Variants in NLRP13 observed in about 807,000 individuals in gnomAD.
NLRP13 encodes the protein NACHT, LRR and PYD domains-containing protein 13.
In NLRP13, 82 loss-of-function variants were observed where a neutral mutation model predicts 94.4. The ratio of observed to expected loss-of-function variants is 0.87; its 90% CI spans 0.73 to 1.04. NLRP13 has a LOEUF of 1.04. NLRP13 is among the 50% of genes least tolerant of loss of function. The probability of loss-of-function intolerance (pLI) is 0.00; values close to 1 mark genes in which losing one functional copy is unlikely to be tolerated. For missense variants in NLRP13, 1,426 were observed against 1,230.8 expected (o/e 1.16, Z -2.37); for synonymous variants, 553 against 464.7 (o/e 1.19, Z -2.45).
intron 1 of NLRP13, among the ~76,000 whole-genome samples, chr19:55,931,099 G>A (rs1156978613): frequency 2.6e-5 from 4 of 151,836 alleles, no homozygotes; most frequent in Non-Finnish European, 4.4e-5. Context: ...GTGAATATGG[G>A]AAGTGTCGCA....
intron 6 of NLRP13, among the ~76,000 whole-genome samples, chr19:55,909,110 T>C (rs2123118649): frequency 6.6e-6 from 1 of 152,234 alleles, no homozygotes; most frequent in South Asian, 2.1e-4. Context: ...AAGGTAGAAT[T>C]CATTGGCCTA....
At chr19:55,913,872 C>T (rs1187052275) in intron 4 of NLRP13, among the ~76,000 whole-genome samples, 3 of 152,150 alleles carry the variant, frequency 2.0e-5, no homozygotes, top group Non-Finnish European at 4.4e-5. Flanking sequence ...AAGACACCTT[C>T]TAGCCAGTAG....
chr19:55,918,242 CTG>C (rs1248119002), intron 4 of NLRP13, among the ~76,000 whole-genome samples: 1 of 126,756 alleles, frequency 7.9e-6, no homozygotes, highest in African/African-American at 3.2e-5. Context: ...ATCAAAACCT[CTG>C]TGATACAGCA....
rs752982132 is a variant in NLRP13 at position 55,896,007 on chromosome 19, CAT to C, written c.3068_3069del (p.Asp1023GlyfsTer7). 1 of 1,614,050 alleles carries C rather than the reference CAT, an allele frequency of 6.2e-7. No individual in the cohort carries two copies. Among genetic ancestry groups the C allele is most frequent in the African/African-American group, 1.3e-5 (1 of 74,948 alleles). ...AAAGCCTTACATAGCATCTTGACACCATCAGTATCCAATTCATTGCCTAGAAG... is the reference window on the plus strand; with the variant it reads ...AAAGCCTTACATAGCATCTTGACACCCAGTATCCAATTCATTGCCTAGAAG... ...LNLLGNELDTDGVKMLCKALK... is the reference protein window; with the variant it reads ...LNLLGNELDTXGVKMLCKALK... On this transcript the variant is annotated frameshift_variant, in exon 11 of 11. Transcript: ENST00000342929. LOFTEE classifies it low-confidence loss of function (END_TRUNC).
At chr19:55,920,961 C>T (rs937865123) in intron 4 of NLRP13, among the ~76,000 whole-genome samples, 91 of 152,174 alleles carry the variant, frequency 6.0e-4, no homozygotes, top group African/African-American at 2.1e-3. Context: ...ATATATCTTA[C>T]AGCAATATGG....
chr19:55,907,354 T>G (rs1986384060), intron 7 of NLRP13, among the ~76,000 whole-genome samples: 1 of 152,072 alleles, frequency 6.6e-6, no homozygotes, highest in Non-Finnish European at 1.5e-5. Context: ...AGCAGATTGC[T>G]TGAGTCCAGG....
chr19:55,907,698 C>T, intron 7 of NLRP13, 94 bp downstream of exon 7: 1 of 1,187,412 alleles, frequency 8.4e-7, no homozygotes, highest in South Asian at 1.3e-5. Flanking sequence ...CCTTTTGCTA[C>T]AAGGCTGAGT....
At chr19:55,921,572 C>T (rs972212712) in intron 4 of NLRP13, among the ~76,000 whole-genome samples, 3 of 152,082 alleles carry the variant, frequency 2.0e-5, no homozygotes, top group African/African-American at 7.2e-5. Context: ...AAATACAAAC[C>T]ATGACACATC....
chr19:55,929,328 A>T (rs965737986), intron 1 of NLRP13, among the ~76,000 whole-genome samples: 1 of 152,228 alleles, frequency 6.6e-6, no homozygotes, highest in Non-Finnish European at 1.5e-5. Context: ...TTGCACACAT[A>T]TGGTTATTGC....
chr19:55,918,795 AAAG>A (rs1292229515), intron 4 of NLRP13, among the ~76,000 whole-genome samples: 6 of 150,128 alleles, frequency 4.0e-5, no homozygotes, highest in African/African-American at 1.5e-4. Context: ...CAAGACATAC[AAAG>A]AAGAACTGGT....
chr19:55,892,275 G>A (rs370195523), downstream of NLRP13, among the ~76,000 whole-genome samples: 1 of 152,250 alleles, frequency 6.6e-6, no homozygotes. Flanking sequence ...CACCCAGGTA[G>A]TGAGTATAGC....
At chr19:55,928,250 G>A (rs753603116) in intron 1 of NLRP13, among the ~76,000 whole-genome samples, 11 of 152,160 alleles carry the variant, frequency 7.2e-5, no homozygotes, top group Non-Finnish European at 8.8e-5. Context: ...AGTTTATGCC[G>A]CCATTCGAAA....
chr19:55,919,684 A>G (rs934617526), intron 4 of NLRP13, among the ~76,000 whole-genome samples: 1 of 152,130 alleles, frequency 6.6e-6, no homozygotes, highest in Non-Finnish European at 1.5e-5. Flanking sequence ...GGAAAACTAC[A>G]AAAAGCTTAA....
chr19:55,899,781 A>C (rs2123104828), intron 9 of NLRP13, among the ~76,000 whole-genome samples: 1 of 152,312 alleles, frequency 6.6e-6, no homozygotes, highest in South Asian at 2.1e-4. Flanking sequence ...GTCTGTTTAA[A>C]AAAAATTTTG....
rs758734463 is a variant in NLRP13, at chr19:55,912,153, T to C, written c.1664A>G (p.Glu555Gly). The C allele has an allele frequency of 1.2e-6, 2 of 1,614,134 alleles. No individual in the cohort carries two copies. The highest frequency in any genetic ancestry group is 1.7e-5 in the Admixed American group (1 of 60,006). The change falls in exon 5 of 11, where the codon GAA becomes GGA. Residue 555 changes from glutamate to glycine, a missense_variant. Coordinates refer to ENST00000342929, the MANE Select transcript of NLRP13 (RefSeq NM_176810.2). ...TGGCTTTGTGGAATGGGGAGGGAAT[T>C]CTCTAGGTTCCTCTAGCACAAAGGA... is the stretch of plus-strand genomic sequence containing the variant. ...AMSFVLEEPR[E>G]FPPHSTKPQE... is the part of the protein sequence containing the mutation.
chr19:55,902,290 G>A lies in NLRP13; in HGVS notation c.2619-85C>T, dbSNP rs199476256. The A allele has an allele frequency of 5.7e-5, 62 of 1,082,038 alleles. 1 individual carries two copies. In the Middle Eastern group the frequency reaches 8.9e-4, roughly 15 times the overall value. The allele number at this position is 1,082,038 out of a possible 1,614,324, so 67.0% of individuals were successfully genotyped here. ...GGAACAGAGCCTCAGGGCCCCCTCC[G>A]AGCCTACACATGCAGCAGCTCCCTG... On this transcript the variant is annotated intron_variant, in intron 8 of 10. Coordinates refer to ENST00000342929, the MANE Select transcript of NLRP13 (RefSeq NM_176810.2).
At chr19:55,900,818 C>G (rs1345729975) in intron 9 of NLRP13, among the ~76,000 whole-genome samples, 1 of 150,816 alleles carries the variant, frequency 6.6e-6, no homozygotes, top group Non-Finnish European at 1.5e-5. Flanking sequence ...CCATTTGACC[C>G]AGCAATCCCA....
At chr19:55,922,189 C>T (rs1313603006) in intron 4 of NLRP13, among the ~76,000 whole-genome samples, 6 of 152,096 alleles carry the variant, frequency 3.9e-5, no homozygotes, top group Non-Finnish European at 8.8e-5. Flanking sequence ...AATCAGTTAC[C>T]TCCCACCAGG....
chr19:55,913,975 GA>G (rs931545504), intron 4 of NLRP13, among the ~76,000 whole-genome samples: 84 of 152,300 alleles, frequency 5.5e-4, no homozygotes, highest in African/African-American at 2.0e-3. Flanking sequence ...GGGCAGGTCA[GA>G]GTCCCCCACT....
Sources: gnomAD v4.1 joint callset for allele counts (sites outside exome capture counted in the v4.1 genomes callset) on GRCh38, gnomAD v4.1.1 for gene constraint, MANE v1.5 for transcripts, NCBI Gene and HGNC (gene_info 2026-07-23, HGNC 2026-07-21) for gene names.